ART3: variants seen among roughly 807,000 people sequenced by gnomAD.
ART3 encodes ecto-ADP-ribosyltransferase 3.
Under a neutral mutation model 48.5 loss-of-function variants are expected in ART3, and 49 were observed. That is an observed-to-expected ratio of 1.01 (90% confidence interval 0.80 to 1.28). The LOEUF is 1.28. Ranked by LOEUF, ART3 falls within the 50% of genes most tolerant of loss-of-function variation. The probability of loss-of-function intolerance (pLI) is 0.00; values close to 1 mark genes in which losing one functional copy is unlikely to be tolerated. For missense variants in ART3, 438 were observed against 454.3 expected (o/e 0.96, Z 0.33); for synonymous variants, 145 against 157.2 (o/e 0.92, Z 0.58).
intron 1 of ART3, among the ~76,000 whole-genome samples, chr4:76,035,540 G>A (rs1389743475): frequency 2.0e-5 from 3 of 152,250 alleles, no homozygotes; most frequent in South Asian, 2.1e-4. Context: ...TAAGCAAATC[G>A]CTAACAAATG....
At chr4:76,022,769 T>C in intron 1 of ART3, 1 of 1,613,270 alleles carries the variant, frequency 6.2e-7, no homozygotes, top group East Asian at 2.2e-5. Context: ...AACAGGTTGA[T>C]TACTAATGCT....
Position 76,088,630 on chromosome 4 carries a change from G to A in ART3, c.781+6095G>A, listed in dbSNP as rs992750644. ...CACCTTTCTTTAGCATTTCCTGGGA[G>A]TAGCAAAGTTTCTGTACTGTTGTCT... On this transcript the variant is annotated intron_variant, in intron 3 of 11. Transcript: ENST00000355810. Among the ~76,000 whole-genome samples, 17 of 152,236 alleles carry A rather than the reference G, an allele frequency of 1.1e-4. No individual in the cohort carries two copies. In the East Asian group the frequency reaches 2.7e-3, roughly 24 times the overall value.
At position 76,112,603 on chromosome 4, in the gene ART3, T is replaced by C; in HGVS notation, c.*84T>C. 1 of 1,424,264 alleles carries C rather than the reference T, an allele frequency of 7.0e-7. No homozygotes were observed. The highest frequency in any genetic ancestry group is 9.4e-7 in the Non-Finnish European group (1 of 1,069,016). The allele number at this position is 1,424,264 out of a possible 1,614,324, so 88.2% of individuals were successfully genotyped here. On this transcript the variant is annotated 3_prime_UTR_variant, in exon 12 of 12. Coordinates refer to ENST00000355810, the MANE Select transcript of ART3 (RefSeq NM_001130016.3). ...GAGATCAAAAGGAATGATGTATTTT[T>C]TACGTGTTGGCCAAAGTCACTGGAT...
intron 1 of ART3, among the ~76,000 whole-genome samples, chr4:76,047,044 G>A (rs10002290): frequency 0.59 from 89,592 of 151,580 alleles, 27,636 homozygotes; most frequent in East Asian, 0.94. Context: ...GCATCATCTG[G>A]TTGGGGGCTT....
At chr4:76,024,542 G>A (rs1733192122) in intron 1 of ART3, among the ~76,000 whole-genome samples, 1 of 152,200 alleles carries the variant, frequency 6.6e-6, no homozygotes, top group Non-Finnish European at 1.5e-5. Context: ...ATAGTAGCTA[G>A]CAGTAGAAAG....
chr4:76,112,297 ATTG>A (rs1383179719), intron 11 of ART3, 86 bp from the exon 12 acceptor site: 11 of 1,452,360 alleles, frequency 7.6e-6, no homozygotes, highest in Non-Finnish European at 9.2e-6. Context: ...CTTTAGTGTC[ATTG>A]TTTACATATT....
At chr4:76,021,945 A>C (rs763341067) in intron 1 of ART3, 1 of 1,611,072 alleles carries the variant, frequency 6.2e-7, no homozygotes, top group South Asian at 1.1e-5. Context: ...GAGATCTTTT[A>C]GACCTGTAAG....
At chr4:76,064,741 G>A (rs991167445) in intron 1 of ART3, among the ~76,000 whole-genome samples, 1 of 152,126 alleles carries the variant, frequency 6.6e-6, no homozygotes, top group Non-Finnish European at 1.5e-5. Flanking sequence ...GTACCAAAAA[G>A]AGAATATTGA....
intron 11 of ART3, among the ~76,000 whole-genome samples, chr4:76,112,151 T>C (rs1729613281): frequency 6.6e-6 from 1 of 152,364 alleles, no homozygotes; most frequent in South Asian, 2.1e-4. Flanking sequence ...AGGTTTTCAT[T>C]GTGTGGGGGT....
At chr4:76,079,019 T>G (rs1721804318) in intron 2 of ART3, among the ~76,000 whole-genome samples, 2 of 152,062 alleles carry the variant, frequency 1.3e-5, no homozygotes, top group South Asian at 4.1e-4. Context: ...AGGCGGAGCT[T>G]GCAGTGAGCC....
chr4:76,066,236 T>A (rs946392974), intron 1 of ART3, among the ~76,000 whole-genome samples: 2 of 148,866 alleles, frequency 1.3e-5, no homozygotes, highest in African/African-American at 2.5e-5. Context: ...TGTAAACCTC[T>A]GTTGCCAGTG....
At chr4:76,108,406 A>T (rs1728870096) in intron 11 of ART3, among the ~76,000 whole-genome samples, 1 of 152,130 alleles carries the variant, frequency 6.6e-6, no homozygotes, top group Non-Finnish European at 1.5e-5. Context: ...TTAGGTTCTG[A>T]GTTTGATTAT....
intron 3 of ART3, among the ~76,000 whole-genome samples, chr4:76,093,230 TG>T (rs1725296706): frequency 6.6e-6 from 1 of 152,120 alleles, no homozygotes; most frequent in African/African-American, 2.4e-5. Flanking sequence ...GAGACCAGCC[TG>T]GGCAACATAG....
chr4:76,062,557 A>C (rs1719325550), intron 1 of ART3, among the ~76,000 whole-genome samples: 2 of 96,182 alleles, frequency 2.1e-5, no homozygotes, highest in Admixed American at 2.7e-4. Flanking sequence ...AGAAAAATAA[A>C]TCTTTTTTTT....
chr4:76,083,626 A>C (rs1210563901), intron 3 of ART3, among the ~76,000 whole-genome samples: 1 of 152,208 alleles, frequency 6.6e-6, no homozygotes, highest in Non-Finnish European at 1.5e-5. Context: ...TGACTGTTGC[A>C]GCTCTAGGCA....
At chr4:76,069,892 C>A (rs113864247), upstream of ART3, among the ~76,000 whole-genome samples, 1 of 151,826 alleles carries the variant, frequency 6.6e-6, no homozygotes, top group African/African-American at 2.4e-5. Flanking sequence ...GCACATATAA[C>A]ATACCCAAGA....
Position 76,049,628 on chromosome 4 carries a change from G to A in ART3, c.-9-26253G>A, listed in dbSNP as rs368290259. On this transcript the variant is annotated intron_variant, in intron 1 of 9. Transcript: ENST00000341029. Reference sequence around the variant, plus strand: ...TCTTTTAACTGGCCGACAGGTGCCCGGTATTTAGCCCCCGAAATTTTAAGG... The same window carrying A: ...TCTTTTAACTGGCCGACAGGTGCCCAGTATTTAGCCCCCGAAATTTTAAGG... 1.3e-3 allele frequency among the ~76,000 whole-genome samples: 150 copies of A among 114,048 alleles called. 5 individuals carry two copies. Among genetic ancestry groups the A allele is most frequent in the African/African-American group, 4.9e-3 (137 of 27,762 alleles). The allele number at this position is 114,048 out of a possible 152,430, so 74.8% of individuals were successfully genotyped here.
intron 9 of ART3, 108 bp downstream of exon 9, chr4:76,104,077 T>A (rs959606551): frequency 3.3e-6 from 4 of 1,211,902 alleles, no homozygotes; most frequent in Admixed American, 3.8e-5. Context: ...ATATTTCCCT[T>A]ATAGCTACCT....
intron 1 of ART3, among the ~76,000 whole-genome samples, chr4:76,027,886 A>G (rs1236335998): frequency 6.6e-6 from 1 of 151,314 alleles, no homozygotes; most frequent in Non-Finnish European, 1.5e-5. Context: ...CAGGGTAAGC[A>G]TATTCTCAGA....
Sources: allele counts gnomAD v4.1 joint callset (sites outside exome capture counted in the v4.1 genomes callset), GRCh38; gene constraint gnomAD v4.1.1; transcripts MANE v1.5; gene names NCBI Gene and HGNC (gene_info 2026-07-23, HGNC 2026-07-21).